The following TRIO variants were observed in gnomAD, a reference collection of about 807,000 sequenced individuals.
TRIO encodes the protein trio Rho guanine nucleotide exchange factor.
In TRIO, 58 loss-of-function variants were observed where a neutral mutation model predicts 351.9. The ratio of observed to expected loss-of-function variants is 0.16; its 90% CI spans 0.13 to 0.21. TRIO has a LOEUF of 0.21. Among genes scored for constraint, TRIO ranks in the 10% least tolerant of loss-of-function variants. TRIO has a pLI of 1.00. For missense variants in TRIO, 3,201 were observed against 4,027.8 expected, an observed-to-expected ratio of 0.79 and a Z score of 5.56; for synonymous variants, 1,758 against 1,595.7, an observed-to-expected ratio of 1.10 and a Z score of -2.42.
intron 1 of TRIO, among the ~76,000 whole-genome samples, chr5:14,149,221 C>T (rs971329415): frequency 6.6e-6 from 1 of 152,194 alleles, no homozygotes; most frequent in Admixed American, 6.5e-5. Flanking sequence ...TGCCAAGGTG[C>T]CCAGCTCCCT....
At chr5:14,263,660 A>G (rs1049067305) in intron 1 of TRIO, among the ~76,000 whole-genome samples, 4 of 152,146 alleles carry the variant, frequency 2.6e-5, no homozygotes, top group Non-Finnish European at 4.4e-5. Flanking sequence ...TACACACTAA[A>G]TTTCTAAATG....
intron 34 of TRIO, among the ~76,000 whole-genome samples, chr5:14,440,383 C>T (rs887952376): frequency 1.3e-5 from 2 of 152,252 alleles, no homozygotes; most frequent in Non-Finnish European, 2.9e-5. Context: ...AAGTCAGACC[C>T]GACAGTTCCC....
intron 1 of TRIO, among the ~76,000 whole-genome samples, chr5:14,218,619 C>A (rs537931893): frequency 2.7e-4 from 41 of 152,304 alleles, no homozygotes; most frequent in Middle Eastern, 3.4e-3. Context: ...CGAGGCTGCG[C>A]AGTGGGGCTG....
chr5:14,496,771 C>A, intron 49 of TRIO, 108 bp from the exon 50 acceptor site: 1 of 1,436,728 alleles, frequency 7.0e-7, no homozygotes, highest in South Asian at 1.4e-5. Flanking sequence ...ATTTCCCATC[C>A]CCCTGCACAC....
intron 11 of TRIO, among the ~76,000 whole-genome samples, chr5:14,352,638 TTGAA>T: frequency 6.6e-6 from 1 of 152,318 alleles, no homozygotes; most frequent in Admixed American, 6.5e-5. Context: ...TTTCTCCAAA[TTGAA>T]TGAGAATATT....
chr5:14,455,031 G>A (rs1041958216), intron 34 of TRIO, among the ~76,000 whole-genome samples: 3 of 151,958 alleles, frequency 2.0e-5, no homozygotes, highest in Admixed American at 1.3e-4. Context: ...CGGTGGGTTC[G>A]TGGTCTCGCT....
At chr5:14,357,654 A>G (rs566523711) in intron 11 of TRIO, among the ~76,000 whole-genome samples, 18 of 151,494 alleles carry the variant, frequency 1.2e-4, no homozygotes, top group Non-Finnish European at 2.4e-4. Flanking sequence ...CCCTAGCTCC[A>G]CACCCTGGTC....
At position 14,301,801 on chromosome 5, in the gene TRIO, G is replaced by T. The variant is rs1225480823; in HGVS notation, c.1369-2660G>T. ...GGGGATTGCTGTGCTGGTGCTGTTG[G>T]TTTCACACCCTCTGGGCGTTCAGCC... On this transcript the variant is annotated intron_variant, in intron 7 of 56. Coordinates refer to ENST00000344204, the MANE Select transcript of TRIO (RefSeq NM_007118.4). Among the ~76,000 whole-genome samples, 3 of 152,082 alleles carry T rather than the reference G, an allele frequency of 2.0e-5. No individual in the cohort carries two copies. The East Asian group carries it at 5.8e-4, about 29-fold the overall frequency.
chr5:14,405,717 T>A, intron 31 of TRIO, 131 bp from the exon 32 acceptor site: 1 of 1,060,462 alleles, frequency 9.4e-7, no homozygotes, highest in Non-Finnish European at 1.3e-6. Flanking sequence ...AAACGTCGGA[T>A]GTGGTTGCTT....
At position 14,175,671 on chromosome 5, in the gene TRIO, A is replaced by G. The variant is rs115833628; in HGVS notation, c.157+31789A>G. Among the ~76,000 whole-genome samples the G allele has an allele frequency of 5.8e-3, 889 of 152,344 alleles. 8 individuals are homozygous for G. The highest frequency in any genetic ancestry group is 0.02 in the African/African-American group (817 of 41,568). ...CTACCTGGGCATTTTAAATAAAACT[A>G]GTTTTATTTAAAACTAGTCACATTG... On this transcript the variant is annotated intron_variant, in intron 1 of 56. Transcript: ENST00000344204.
intron 1 of TRIO, among the ~76,000 whole-genome samples, chr5:14,193,970 C>A (rs1790598998): frequency 6.6e-6 from 1 of 152,150 alleles, no homozygotes; most frequent in African/African-American, 2.4e-5. Flanking sequence ...TCTGTCTTAT[C>A]TTCCCGGTAG....
At chr5:14,207,538 A>ACG (rs1159495497) in intron 1 of TRIO, among the ~76,000 whole-genome samples, 2 of 149,508 alleles carry the variant, frequency 1.3e-5, no homozygotes, top group Non-Finnish European at 3.0e-5. Flanking sequence ...ACACACACAC[A>ACG]CACACACACA....
intron 34 of TRIO, among the ~76,000 whole-genome samples, chr5:14,438,699 G>C (rs1751789186): frequency 6.6e-6 from 1 of 152,248 alleles, no homozygotes; most frequent in South Asian, 2.1e-4. Flanking sequence ...TATTTCCAGG[G>C]AAATTTTGCC....
chr5:14,500,224 G>C (rs1313924634), intron 53 of TRIO, among the ~76,000 whole-genome samples: 1 of 152,112 alleles, frequency 6.6e-6, no homozygotes, highest in Non-Finnish European at 1.5e-5. Flanking sequence ...ATTGTTCTCT[G>C]AGAGAAGCCA....
chr5:14,402,674 G>A (rs892778790), intron 31 of TRIO, among the ~76,000 whole-genome samples: 1 of 151,994 alleles, frequency 6.6e-6, no homozygotes, highest in African/African-American at 2.4e-5. Flanking sequence ...GTAGAGGAAG[G>A]TAGTGGTATA....
chr5:14,201,327 C>A (rs1791095921), intron 1 of TRIO, among the ~76,000 whole-genome samples: 1 of 152,156 alleles, frequency 6.6e-6, no homozygotes, highest in African/African-American at 2.4e-5. Context: ...TAAGAAGATT[C>A]TGCTTCTTGT....
At position 14,493,776 on chromosome 5, in the gene TRIO, G is replaced by A. The variant is rs186708513; in HGVS notation, c.7880+962G>A. Among the ~76,000 whole-genome samples, 1,126 of 152,300 alleles carry A rather than the reference G, an allele frequency of 7.4e-3. 10 individuals are homozygous for A. The highest frequency in any genetic ancestry group is 0.011 in the Non-Finnish European group (717 of 68,018). ...CCGAAAGCTAAGCGCCTCTCGCACC[G>A]AACAGTTAGCTAAATTGTAAATGCA... is the stretch of plus-strand genomic sequence containing the variant. On this transcript the variant is annotated intron_variant, in intron 49 of 56. Coordinates refer to ENST00000344204, the MANE Select transcript of TRIO (RefSeq NM_007118.4).
chr5:14,278,216 T>G (rs1377621054), intron 2 of TRIO, among the ~76,000 whole-genome samples: 1 of 152,216 alleles, frequency 6.6e-6, no homozygotes, highest in Non-Finnish European at 1.5e-5. Context: ...CTGTCAAAAC[T>G]TCTGCACAGA....
chr5:14,423,327 G>T (rs188931598), intron 34 of TRIO, among the ~76,000 whole-genome samples: 1 of 152,380 alleles, frequency 6.6e-6, no homozygotes, highest in African/African-American at 2.4e-5. Flanking sequence ...CCACTCGAGT[G>T]TGTAGTACGT....
Sources: allele counts gnomAD v4.1 joint callset (sites outside exome capture counted in the v4.1 genomes callset), GRCh38; gene constraint gnomAD v4.1.1; transcripts MANE v1.5; gene names NCBI Gene and HGNC (gene_info 2026-07-23, HGNC 2026-07-21).